AS3MT: variants seen among roughly 807,000 people sequenced by gnomAD.
AS3MT encodes arsenite methyltransferase.
In AS3MT, 47 loss-of-function variants were observed where a neutral mutation model predicts 45.3. The observed-to-expected ratio is 1.04, with a 90% confidence interval of 0.82 to 1.32. The LOEUF (loss-of-function observed/expected upper bound fraction) is 1.32, where lower values mean the gene tolerates loss of function less well. AS3MT is among the 40% of genes most tolerant of loss of function. The pLI, the probability that AS3MT is intolerant of heterozygous loss-of-function variation, is 0.00. For missense variants in AS3MT, 396 were observed against 451.1 expected (o/e 0.88, Z 1.11); for synonymous variants, 141 against 152.8 (o/e 0.92, Z 0.57).
intron 10 of AS3MT, among the ~76,000 whole-genome samples, chr10:102,897,078 C>G (rs1486326642): frequency 6.6e-6 from 1 of 151,922 alleles, no homozygotes; most frequent in East Asian, 1.9e-4. Context: ...ACCTGGTTTC[C>G]TAAATACTGA....
chr10:102,878,283 T>TA, intron 7 of AS3MT, 96 bp from the exon 8 acceptor site: 1 of 1,480,910 alleles, frequency 6.8e-7, no homozygotes, highest in Non-Finnish European at 9.1e-7. Flanking sequence ...TTTTAACTAA[T>TA]ACCATGTCCT....
At chr10:102,893,960 G>A (rs12763665) in intron 10 of AS3MT, among the ~76,000 whole-genome samples, 62,095 of 151,820 alleles carry the variant, frequency 0.41, 12,920 homozygotes, top group East Asian at 0.56. Flanking sequence ...AATTCGCTAT[G>A]TGTCTTTTGG....
At chr10:102,869,665 G>A (rs1844641723) in intron 1 of AS3MT, 72 bp downstream of exon 1, 2 of 1,451,676 alleles carry the variant, frequency 1.4e-6, no homozygotes. Flanking sequence ...GCGGGAACGC[G>A]AGCGCCTCCC....
At chr10:102,892,368 GC>G (rs1845084357) in intron 10 of AS3MT, among the ~76,000 whole-genome samples, 1 of 152,040 alleles carries the variant, frequency 6.6e-6, no homozygotes, top group South Asian at 2.1e-4. Context: ...TCTTCTCTAG[GC>G]CCAGGGACCT....
intron 10 of AS3MT, among the ~76,000 whole-genome samples, chr10:102,895,937 G>A (rs1023887314): frequency 1.3e-5 from 2 of 152,006 alleles, no homozygotes; most frequent in South Asian, 2.1e-4. Context: ...CATCACAGCC[G>A]GCTAATTTTT....
intron 9 of AS3MT, among the ~76,000 whole-genome samples, chr10:102,889,322 G>C (rs1845020718): frequency 6.6e-6 from 1 of 151,898 alleles, no homozygotes; most frequent in South Asian, 2.1e-4. Flanking sequence ...ACATATCAGT[G>C]AGAACATATG....
rs1845256639 is a variant in AS3MT at position 102,900,732 on chromosome 10, GGCAAGAGTGATCT to G, written c.*36_*48del. The G allele has an allele frequency of 6.6e-7, 1 of 1,521,312 alleles. No homozygotes were observed. Among genetic ancestry groups the G allele is most frequent in the Non-Finnish European group, 9.1e-7 (1 of 1,095,550 alleles). 94.2% of individuals were successfully genotyped at this position (1,521,312 alleles called of 1,614,324 possible). On this transcript the variant is annotated 3_prime_UTR_variant, in exon 11 of 11. Coordinates refer to ENST00000369880, the MANE Select transcript of AS3MT (RefSeq NM_020682.4). ...AGCCAACCAGGGGACCACAGTAGTG[GGCAAGAGTGATCT>G]GCATGTTTTTTAACCTGCTTTTCCC...
At chr10:102,886,673 G>T (rs1420319706) in intron 9 of AS3MT, among the ~76,000 whole-genome samples, 1 of 151,962 alleles carries the variant, frequency 6.6e-6, no homozygotes, top group Admixed American at 6.6e-5. Flanking sequence ...ACCTGGACTG[G>T]AGTGCAGTGG....
rs376202918 is a variant in AS3MT, at chr10:102,877,048, G to A, written c.610+13G>A. 1.9e-6 allele frequency: 3 copies of A among 1,611,454 alleles called. No homozygotes were observed. The highest frequency in any genetic ancestry group is 2.5e-6 in the Non-Finnish European group (3 of 1,177,636). ...AAAGTTTTATGGGGTAGGTGATTTTGTTTAGTTTAGTATTAAGGCAGATGG... is the reference window on the plus strand; with the variant it reads ...AAAGTTTTATGGGGTAGGTGATTTTATTTAGTTTAGTATTAAGGCAGATGG... On this transcript the variant is annotated intron_variant, in intron 7 of 10. Transcript: ENST00000369880.
intron 9 of AS3MT, among the ~76,000 whole-genome samples, chr10:102,879,854 GC>G (rs1434650528): frequency 6.6e-6 from 1 of 150,626 alleles, no homozygotes; most frequent in Non-Finnish European, 1.5e-5. Context: ...CTATATTTCA[GC>G]AATTGAGAAC....
At chr10:102,874,055 C>T (rs1037986905) in intron 5 of AS3MT, among the ~76,000 whole-genome samples, 2 of 152,174 alleles carry the variant, frequency 1.3e-5, no homozygotes, top group South Asian at 4.2e-4. Context: ...GAATTCCAGA[C>T]CAGCTTGAAC....
intron 9 of AS3MT, among the ~76,000 whole-genome samples, chr10:102,889,614 G>GCCTTCCTTCCTT (rs1554884643): frequency 0.033 from 3,742 of 114,034 alleles, 101 homozygotes; most frequent in East Asian, 0.086. Flanking sequence ...CTGTCTGCCT[G>GCCTTCCTTCCTT]CCTTCCTTCC....
chr10:102,895,340 G>A (rs192892823), intron 10 of AS3MT, among the ~76,000 whole-genome samples: 15 of 152,048 alleles, frequency 9.9e-5, no homozygotes, highest in African/African-American at 3.4e-4. Flanking sequence ...TGGGATTACA[G>A]GTGCGCCAGC....
chr10:102,889,623 C>CCTTCCTTCCTTCCTTA (rs1845028608), intron 9 of AS3MT, among the ~76,000 whole-genome samples: 1 of 132,960 alleles, frequency 7.5e-6, no homozygotes, highest in Non-Finnish European at 1.7e-5. Context: ...TGCCTTCCTT[C>CCTTCCTTCCTTCCTTA]CTTCCTTCCT....
intron 9 of AS3MT, among the ~76,000 whole-genome samples, chr10:102,882,870 C>T (rs954770852): frequency 4.0e-5 from 6 of 151,554 alleles, no homozygotes; most frequent in East Asian, 3.9e-4. Context: ...GGATTACAGG[C>T]GTGAGCCACT....
At chr10:102,896,127 G>A (rs1393962546) in intron 10 of AS3MT, among the ~76,000 whole-genome samples, 1 of 151,436 alleles carries the variant, frequency 6.6e-6, no homozygotes, top group Non-Finnish European at 1.5e-5. Flanking sequence ...AGGTCAGGAG[G>A]TCAAGACCAG....
At chr10:102,869,885 A>T in intron 2 of AS3MT, 40 bp downstream of exon 2, 3 of 1,611,994 alleles carry the variant, frequency 1.9e-6, no homozygotes, top group Non-Finnish European at 2.5e-6. Flanking sequence ...AGTGGAGCCT[A>T]GGCTAATGGA....
At chr10:102,875,476 C>CAAAAA (rs35877885) in intron 6 of AS3MT, among the ~76,000 whole-genome samples, 1 of 39,662 alleles carries the variant, frequency 2.5e-5, no homozygotes, top group Non-Finnish European at 4.7e-5. Flanking sequence ...GACTCCATCT[C>CAAAAA]AAAAAAAAAA....
intron 9 of AS3MT, among the ~76,000 whole-genome samples, chr10:102,887,673 C>T (rs888587296): frequency 2.2e-4 from 34 of 152,088 alleles, no homozygotes; most frequent in Non-Finnish European, 4.1e-4. Flanking sequence ...TGTCTTTTTT[C>T]CACCCCTTAA....
Sources: gnomAD v4.1 joint callset for allele counts (sites outside exome capture counted in the v4.1 genomes callset) on GRCh38, gnomAD v4.1.1 for gene constraint, MANE v1.5 for transcripts, NCBI Gene and HGNC (gene_info 2026-07-23, HGNC 2026-07-21) for gene names.